CCNB3: variants seen among roughly 807,000 people sequenced by gnomAD.
CCNB3 encodes the protein G2/mitotic-specific cyclin-B3.
Under a neutral mutation model 68.0 loss-of-function variants are expected in CCNB3, and 12 were observed. The ratio of observed to expected loss-of-function variants is 0.18; its 90% CI spans 0.11 to 0.29. CCNB3 has a LOEUF of 0.29. Ranked by LOEUF, CCNB3 falls within the 10% of genes least tolerant of loss-of-function variation. The pLI, the probability that CCNB3 is intolerant of heterozygous loss-of-function variation, is 1.00. For synonymous variants in CCNB3, 354 were observed against 388.9 expected, an observed-to-expected ratio of 0.91 and a Z score of 1.06; for missense variants, 904 against 993.1, an observed-to-expected ratio of 0.91 and a Z score of 1.21.
At chrX:50,289,328 T>C (rs1298350438) in intron 4 of CCNB3, among the ~76,000 whole-genome samples, 2 of 111,010 alleles carry the variant, frequency 1.8e-5, no homozygotes, top group African/African-American at 6.5e-5. Context: ...AGGCATTAAA[T>C]TCCACCAGCA....
rs1936056147 is a variant in CCNB3 at position 50,279,596 on chromosome X, G to A, written c.-112-4946G>A. ...TCTATATATAAATATATATTCATAT[G>A]TAAATGTATATGCATATGTACATTC... On this transcript the variant is annotated intron_variant, in intron 1 of 12. Coordinates refer to ENST00000376042, the MANE Select transcript of CCNB3 (RefSeq NM_033031.3). Among the ~76,000 whole-genome samples, 2 of 85,964 alleles carry A rather than the reference G, an allele frequency of 2.3e-5. 1 individual carries two copies. Among genetic ancestry groups the A allele is most frequent in the Admixed American group, 3.3e-4 (2 of 6,136 alleles). 74.6% of individuals were successfully genotyped at this position (85,964 alleles called of 115,157 possible).
At chrX:50,225,677 A>G (rs1193143064) in intron 1 of CCNB3, among the ~76,000 whole-genome samples, 2 of 109,984 alleles carry the variant, frequency 1.8e-5, no homozygotes, top group Non-Finnish European at 3.8e-5. Flanking sequence ...GTGATGGAAA[A>G]AAGTTAGAAT....
At chrX:50,209,119 A>G (rs1935432074) in intron 1 of CCNB3, among the ~76,000 whole-genome samples, 2 of 111,057 alleles carry the variant, frequency 1.8e-5, no homozygotes, top group Non-Finnish European at 3.8e-5. Flanking sequence ...TCATTGAGGT[A>G]TCATTGATAT....
Position 50,303,390 on chromosome X carries a change from C to T in CCNB3, c.336-5115C>T, listed in dbSNP as rs145669838. On this transcript the variant is annotated intron_variant, in intron 5 of 12. Transcript: ENST00000376042. ...CAAACTCCTGACCTCAGGTGATCTG[C>T]CTGCCTCGGCCTCCCAAAGTGCTGG... is the stretch of plus-strand genomic sequence containing the variant. Among the ~76,000 whole-genome samples, 272 of 109,996 alleles carry T rather than the reference C, an allele frequency of 2.5e-3. 3 individuals carry two copies. The highest frequency in any genetic ancestry group is 8.4e-3 in the African/African-American group (255 of 30,352).
chrX:50,202,893 G>A (rs1239049088), upstream of CCNB3: 1 of 111,551 alleles, frequency 9.0e-6, no homozygotes, highest in Non-Finnish European at 1.9e-5. Context: ...CATAGGTCAC[G>A]GTACATTTAC....
upstream of CCNB3, among the ~76,000 whole-genome samples, chrX:50,204,261 G>A (rs1490562994): frequency 8.9e-6 from 1 of 111,809 alleles, no homozygotes; most frequent in Admixed American, 9.5e-5. Context: ...TCCCAGAGCA[G>A]TAATTGTCAC....
At chrX:50,280,118 A>T (rs1228554659) in intron 1 of CCNB3, among the ~76,000 whole-genome samples, 13 of 91,178 alleles carry the variant, frequency 1.4e-4, no homozygotes, top group Non-Finnish European at 2.7e-4. Flanking sequence ...GAATATATAA[A>T]TATATATAGA....
intron 1 of CCNB3, among the ~76,000 whole-genome samples, chrX:50,227,108 CAAATATATAGAATATATACAA>C (rs1319375266): frequency 1.4e-5 from 1 of 72,321 alleles, no homozygotes; most frequent in Non-Finnish European, 2.4e-5. Flanking sequence ...AATATACATA[CAAATATATAGAATATATACAA>C]AAATATATAG....
At chrX:50,322,162 C>G (rs2147076906) in intron 8 of CCNB3, among the ~76,000 whole-genome samples, 1 of 107,109 alleles carries the variant, frequency 9.3e-6, no homozygotes, top group Admixed American at 1.0e-4. Context: ...TGCTACCTGA[C>G]TTCAGACTAT....
In CCNB3 at chrX:50,309,137, A is replaced by T; in HGVS notation, c.968A>T (p.Lys323Met). 1 of 1,211,212 alleles carries T rather than the reference A, an allele frequency of 8.3e-7. No individual in the cohort carries two copies. Among genetic ancestry groups the T allele is most frequent in the Non-Finnish European group, 1.1e-6 (1 of 895,050 alleles). Residue 323 changes from lysine (K) to methionine (M), a missense_variant, in exon 6 of 13, where the codon AAG becomes ATG. Around this residue, in one of 2 missense-constraint regions of CCNB3, gnomAD observed 619 missense variants for 609.8 expected, o/e 1.02. Transcript: ENST00000376042. Reference sequence around the variant, plus strand: ...TCCATTAAGAAGCCTACCACTGAGAAGGAGACACTTTTCCAAGAGCTATCT... The same window carrying T: ...TCCATTAAGAAGCCTACCACTGAGATGGAGACACTTTTCCAAGAGCTATCT... ...MSSIKKPTTEKETLFQELSVL... is the reference protein window; with the variant it reads ...MSSIKKPTTEMETLFQELSVL...
intron 4 of CCNB3, among the ~76,000 whole-genome samples, chrX:50,292,642 A>G (rs1360207757): frequency 9.0e-6 from 1 of 111,269 alleles, no homozygotes; most frequent in Non-Finnish European, 1.9e-5. Flanking sequence ...CTGTACAAGC[A>G]TGAGCCTTCC....
chrX:50,313,279 T>C (rs1375305564), intron 7 of CCNB3, among the ~76,000 whole-genome samples: 1 of 111,386 alleles, frequency 9.0e-6, no homozygotes, highest in Non-Finnish European at 1.9e-5. Context: ...CACCTACAGA[T>C]CCACCTATCC....
chrX:50,351,531 T>C (rs1923679192), intron 12 of CCNB3, 76 bp from the exon 13 acceptor site: 1 of 1,051,252 alleles, frequency 9.5e-7, no homozygotes, highest in Admixed American at 2.3e-5. Context: ...CTAAGGGCTG[T>C]ATGTCCCACT....
chrX:50,216,908 G>A (rs1408064284), intron 1 of CCNB3, among the ~76,000 whole-genome samples: 1 of 110,802 alleles, frequency 9.0e-6, no homozygotes, highest in Non-Finnish European at 1.9e-5. Flanking sequence ...TCATTTCGCA[G>A]TTTGAGAGAG....
chrX:50,222,044 G>T (rs929857656), intron 1 of CCNB3, among the ~76,000 whole-genome samples: 19 of 109,286 alleles, frequency 1.7e-4, no homozygotes, highest in South Asian at 7.9e-4. Flanking sequence ...GTTTTTTTTT[G>T]ATCTTTGTTG....
chrX:50,281,542 C>T (rs1195530331), intron 1 of CCNB3, among the ~76,000 whole-genome samples: 1 of 111,061 alleles, frequency 9.0e-6, no homozygotes, highest in Admixed American at 9.7e-5. Context: ...AATTCTGTTG[C>T]TGGGATGCGC....
At position 50,309,160 on chromosome X, in the gene CCNB3, T is replaced by G; in HGVS notation, c.991T>G (p.Ser331Ala). 1 of 1,210,975 alleles carries G rather than the reference T, an allele frequency of 8.3e-7. No individual in the cohort carries two copies. The highest frequency in any genetic ancestry group is 1.1e-6 in the Non-Finnish European group (1 of 895,113). The change falls in exon 6 of 13, where the codon TCT becomes GCT. Residue 331 changes from serine (S) to alanine (A), a missense_variant. Around this residue, in one of 2 missense-constraint regions of CCNB3, gnomAD observed 619 missense variants for 609.8 expected, o/e 1.02. Transcript: ENST00000376042. ...GAAGGAGACACTTTTCCAAGAGCTA[T>G]CTGTATTGCAAGAGAAACACACCAC... Reference protein sequence around the residue: ...TEKETLFQELSVLQEKHTTEH... With the variant: ...TEKETLFQELAVLQEKHTTEH...
intron 9 of CCNB3, among the ~76,000 whole-genome samples, chrX:50,343,386 A>C (rs1186618492): frequency 8.9e-6 from 1 of 111,873 alleles, no homozygotes; most frequent in Non-Finnish European, 1.9e-5. Flanking sequence ...ATGTGTCTTC[A>C]TTTTTAATAA....
intron 5 of CCNB3, among the ~76,000 whole-genome samples, chrX:50,298,298 T>C (rs1324965830): frequency 1.8e-5 from 2 of 111,866 alleles, no homozygotes; most frequent in African/African-American, 6.5e-5. Flanking sequence ...TATTTTGAGA[T>C]ACGTCCCATC....
Sources: gnomAD v4.1 joint callset for allele counts (sites outside exome capture counted in the v4.1 genomes callset) on GRCh38, gnomAD v4.1.1 for gene constraint, gnomAD v4.1.1 regional missense constraint, MANE v1.5 for transcripts, NCBI Gene and HGNC (gene_info 2026-07-23, HGNC 2026-07-21) for gene names.